Variants in ZFAT observed in about 807,000 individuals in gnomAD.
ZFAT encodes the protein zinc finger protein ZFAT.
Under a neutral mutation model 117.7 loss-of-function variants are expected in ZFAT, and 64 were observed. That is an observed-to-expected ratio of 0.54 (90% confidence interval 0.44 to 0.67). ZFAT has a LOEUF of 0.67. ZFAT is among the 30% of genes least tolerant of loss of function. The pLI is 0.00. For missense variants in ZFAT, 1,433 were observed against 1,584.5 expected (o/e 0.90, Z 1.62); for synonymous variants, 679 against 615.0 (o/e 1.10, Z -1.54).
chr8:134,638,842 C>T (rs983848357), intron 2 of ZFAT, among the ~76,000 whole-genome samples: 5 of 151,964 alleles, frequency 3.3e-5, no homozygotes, highest in South Asian at 2.1e-4. Flanking sequence ...TGTCCCTGAG[C>T]GAGACCAAGC....
chr8:134,524,024 G>C (rs1458398534), intron 12 of ZFAT, among the ~76,000 whole-genome samples: 1 of 152,174 alleles, frequency 6.6e-6, no homozygotes, highest in Non-Finnish European at 1.5e-5. Flanking sequence ...CTTATTCTCT[G>C]TTCAAGTCCC....
chr8:134,696,155 G>C (rs576572741), intron 1 of ZFAT, among the ~76,000 whole-genome samples: 2 of 151,920 alleles, frequency 1.3e-5, no homozygotes, highest in East Asian at 3.9e-4. Flanking sequence ...CTCTAACCAA[G>C]GAGGTGCCAC....
chr8:134,758,067 T>G, the ZFAT span, among the ~76,000 whole-genome samples: 1 of 152,196 alleles, frequency 6.6e-6, no homozygotes, highest in African/African-American at 2.4e-5. Context: ...CGAACTCAAA[T>G]GAACTAAATC....
the ZFAT span, among the ~76,000 whole-genome samples, chr8:134,819,502 C>T: frequency 2.2e-4 from 20 of 89,802 alleles, no homozygotes; most frequent in African/African-American, 6.1e-4. Context: ...TACCACCCCC[C>T]CCCCCCGCCC....
At chr8:134,497,102 C>T (rs929438431) in intron 15 of ZFAT, among the ~76,000 whole-genome samples, 2 of 152,230 alleles carry the variant, frequency 1.3e-5, no homozygotes, top group Non-Finnish European at 2.9e-5. Context: ...CTTGAAACAT[C>T]CCACCATGAA....
At chr8:134,726,631 G>C in the ZFAT span, among the ~76,000 whole-genome samples, 1 of 152,106 alleles carries the variant, frequency 6.6e-6, no homozygotes, top group Non-Finnish European at 1.5e-5. Context: ...GTCTCACTCT[G>C]TCACCCCAGT....
the ZFAT span, among the ~76,000 whole-genome samples, chr8:134,832,235 G>C: frequency 6.6e-6 from 1 of 151,740 alleles, no homozygotes; most frequent in Non-Finnish European, 1.5e-5. Context: ...CGCGGCGGCG[G>C]CAGCGGCTCC....
intron 8 of ZFAT, among the ~76,000 whole-genome samples, chr8:134,589,971 C>T (rs1826342523): frequency 2.6e-5 from 4 of 152,182 alleles, no homozygotes; most frequent in Admixed American, 2.6e-4. Flanking sequence ...GACAACAGCC[C>T]TGCCTCATAT....
At chr8:134,681,388 C>T (rs1833063716) in intron 1 of ZFAT, among the ~76,000 whole-genome samples, 1 of 152,230 alleles carries the variant, frequency 6.6e-6, no homozygotes, top group Admixed American at 6.5e-5. Flanking sequence ...ACCACCTGTA[C>T]TCATTACCTG....
the ZFAT span, among the ~76,000 whole-genome samples, chr8:134,759,192 A>G: frequency 4.8e-3 from 732 of 152,366 alleles, 5 homozygotes; most frequent in African/African-American, 0.016. Flanking sequence ...TATAAAGTTT[A>G]TGAAAACTTA....
At chr8:134,632,846 C>T (rs1025985996) in intron 3 of ZFAT, among the ~76,000 whole-genome samples, 1 of 151,940 alleles carries the variant, frequency 6.6e-6, no homozygotes, top group East Asian at 1.9e-4. Flanking sequence ...CCCAATCACA[C>T]AAAAAAACAC....
At chr8:134,664,863 A>G (rs988236399) in intron 1 of ZFAT, among the ~76,000 whole-genome samples, 15 of 152,246 alleles carry the variant, frequency 9.9e-5, no homozygotes, top group Non-Finnish European at 2.9e-5. Flanking sequence ...ATCCTTATCA[A>G]AAGAATTCAA....
intron 13 of ZFAT, among the ~76,000 whole-genome samples, chr8:134,520,025 A>G (rs1820534561): frequency 6.6e-6 from 1 of 152,052 alleles, no homozygotes; most frequent in African/African-American, 2.4e-5. Context: ...ATGATGTATT[A>G]TTTTTTTCAT....
At chr8:134,781,731 G>A in the ZFAT span, among the ~76,000 whole-genome samples, 1 of 152,042 alleles carries the variant, frequency 6.6e-6, no homozygotes, top group African/African-American at 2.4e-5. Context: ...TACTACATCT[G>A]AGACAGCTAG....
chr8:134,646,135 G>C (rs760553351), intron 2 of ZFAT, among the ~76,000 whole-genome samples: 11 of 152,268 alleles, frequency 7.2e-5, no homozygotes, highest in Middle Eastern at 3.4e-3. Context: ...CTTGAAACTG[G>C]AAGGCGGAGG....
chr8:134,653,066 T>C (rs1170570323), intron 2 of ZFAT, among the ~76,000 whole-genome samples: 3 of 151,448 alleles, frequency 2.0e-5, no homozygotes, highest in Non-Finnish European at 4.4e-5. Context: ...GTAAATACCA[T>C]ACAGACACTA....
At chr8:134,601,144 T>C (rs552211380) in intron 6 of ZFAT, among the ~76,000 whole-genome samples, 17 of 152,198 alleles carry the variant, frequency 1.1e-4, no homozygotes, top group African/African-American at 3.9e-4. Context: ...TTGGCTGATA[T>C]AGTAGTTGGC....
rs145915398 is a variant in ZFAT, at chr8:134,654,464, G to T, written c.196+3097C>A. On this transcript the variant is annotated intron_variant, in intron 2 of 15. Coordinates refer to ENST00000377838, the MANE Select transcript of ZFAT (RefSeq NM_020863.4). The stretch of plus-strand genomic sequence containing the variant: ...AGTGTGGGTTCACCTGCAACACCAC[G>T]GAGGGAAAAAGGAGCCAGGGGCCTA... Among the ~76,000 whole-genome samples the T allele has an allele frequency of 4.2e-3, 641 of 152,258 alleles. 9 individuals are homozygous for T. Among genetic ancestry groups the T allele is most frequent in the African/African-American group, 0.015 (606 of 41,558 alleles).
intron 8 of ZFAT, 27 bp downstream of exon 8, chr8:134,590,241 C>A: frequency 6.4e-7 from 1 of 1,559,392 alleles, no homozygotes. Flanking sequence ...TAACATTAAT[C>A]TTCCACTCCA....
Sources: allele counts gnomAD v4.1 joint callset (sites outside exome capture counted in the v4.1 genomes callset), GRCh38; gene constraint gnomAD v4.1.1; transcripts MANE v1.5; gene names NCBI Gene and HGNC (gene_info 2026-07-23, HGNC 2026-07-21).